The following MYO3B variants were observed in gnomAD, a reference collection of about 807,000 sequenced individuals.
MYO3B encodes the protein myosin-IIIb.
MYO3B carries 156 observed loss-of-function variants against 174.6 expected under a neutral mutation model. The observed-to-expected ratio is 0.89, with a 90% CI of 0.78 to 1.02. The LOEUF is 1.02. MYO3B is among the 50% of genes least tolerant of loss of function. MYO3B has a pLI of 0.00. For synonymous variants in MYO3B, 563 were observed against 569.1 expected (o/e 0.99, Z 0.15); for missense variants, 1,632 against 1,639.4 (o/e 1.00, Z 0.08).
At chr2:170,440,575 C>A (rs2094792074) in intron 22 of MYO3B, among the ~76,000 whole-genome samples, 1 of 151,666 alleles carries the variant, frequency 6.6e-6, no homozygotes, top group South Asian at 2.1e-4. Flanking sequence ...TTGAATAGTT[C>A]ATTTTTAGTG....
chr2:170,254,512 G>T (rs979326315), intron 7 of MYO3B, among the ~76,000 whole-genome samples: 1 of 152,114 alleles, frequency 6.6e-6, no homozygotes, highest in Non-Finnish European at 1.5e-5. Flanking sequence ...TCCCACAAGA[G>T]GGTGTGCAAA....
At chr2:170,506,839 C>T (rs1223973198) in intron 28 of MYO3B, among the ~76,000 whole-genome samples, 1 of 152,150 alleles carries the variant, frequency 6.6e-6, no homozygotes, top group African/African-American at 2.4e-5. Context: ...CCAAGCCAAA[C>T]AAGAGGGGGA....
At chr2:170,533,905 AG>A (rs770400347) in intron 30 of MYO3B, among the ~76,000 whole-genome samples, 7 of 152,194 alleles carry the variant, frequency 4.6e-5, no homozygotes, top group Non-Finnish European at 7.4e-5. Context: ...CTGATGAAGA[AG>A]GGGAGAGGTG....
At chr2:170,229,328 C>T (rs1208598006) in intron 6 of MYO3B, among the ~76,000 whole-genome samples, 1 of 152,192 alleles carries the variant, frequency 6.6e-6, no homozygotes, top group East Asian at 1.9e-4. Context: ...AGCTTTAGGT[C>T]TGTTTGCCTT....
chr2:170,606,385 C>T (rs755247804), intron 32 of MYO3B, among the ~76,000 whole-genome samples: 4 of 152,160 alleles, frequency 2.6e-5, no homozygotes, highest in African/African-American at 9.7e-5. Flanking sequence ...TATGCTGTCC[C>T]CTCAGCCTAG....
intron 32 of MYO3B, among the ~76,000 whole-genome samples, chr2:170,649,760 G>A (rs1698856505): frequency 7.5e-6 from 1 of 133,824 alleles, no homozygotes; most frequent in Non-Finnish European, 1.5e-5. Context: ...CTGGGAGGTA[G>A]AAATTGCAGT....
At chr2:170,429,528 GGTGA>G (rs1253497124) in intron 22 of MYO3B, among the ~76,000 whole-genome samples, 2 of 151,998 alleles carry the variant, frequency 1.3e-5, no homozygotes, top group Non-Finnish European at 2.9e-5. Context: ...GGAAGGGAGT[GGTGA>G]GTAACTTGTT....
At chr2:170,433,075 T>C (rs1244764369) in intron 22 of MYO3B, among the ~76,000 whole-genome samples, 1 of 152,188 alleles carries the variant, frequency 6.6e-6, no homozygotes, top group African/African-American at 2.4e-5. Context: ...ATTCATGTTA[T>C]GTGCCCTATA....
chr2:170,526,525 T>G (rs1239609893), intron 30 of MYO3B, among the ~76,000 whole-genome samples: 1 of 152,212 alleles, frequency 6.6e-6, no homozygotes, highest in Non-Finnish European at 1.5e-5. Flanking sequence ...TATTTTCTTG[T>G]ATTCCTGGCT....
rs2105307714 is a variant in MYO3B at position 170,615,189 on chromosome 2, G to T, written c.3734-36439G>T. ...CTAAAACCCAACATATCTAGCTCTAGACGTATCTTCCTCCCTCACTTCACC... is the reference window on the plus strand; with the variant it reads ...CTAAAACCCAACATATCTAGCTCTATACGTATCTTCCTCCCTCACTTCACC... On this transcript the variant is annotated intron_variant, in intron 32 of 34. Transcript: ENST00000408978. Among the ~76,000 whole-genome samples, 3 of 152,138 alleles carry T rather than the reference G, an allele frequency of 2.0e-5. 1 individual carries two copies. The Middle Eastern group carries it at 0.01, about 517-fold the overall frequency.
intron 28 of MYO3B, among the ~76,000 whole-genome samples, chr2:170,502,253 T>C (rs1687321283): frequency 6.6e-6 from 1 of 152,128 alleles, no homozygotes; most frequent in Non-Finnish European, 1.5e-5. Context: ...AACAAAACCC[T>C]TTCCCTCTCG....
intron 27 of MYO3B, 92 bp downstream of exon 27, chr2:170,499,900 TCCCTCCCTCCCTTCCTTCTC>T (rs958622779): frequency 3.2e-5 from 32 of 995,502 alleles, no homozygotes; most frequent in African/African-American, 1.7e-4. Flanking sequence ...CTAAGTGGTT[TCCCTCCCTCCCTTCCTTCTC>T]CCCTCCCTCC....
At chr2:170,181,577 C>T (rs939565647) in intron 1 of MYO3B, among the ~76,000 whole-genome samples, 1 of 152,092 alleles carries the variant, frequency 6.6e-6, no homozygotes, top group African/African-American at 2.4e-5. Context: ...TCCTAGATTC[C>T]TGTATCAGAT....
At chr2:170,215,878 G>A (rs1263321079) in intron 5 of MYO3B, among the ~76,000 whole-genome samples, 2 of 152,140 alleles carry the variant, frequency 1.3e-5, no homozygotes, top group Non-Finnish European at 2.9e-5. Flanking sequence ...ATGAGGATGG[G>A]GTGGGAATTG....
At chr2:170,413,582 G>C (rs1364181438) in intron 22 of MYO3B, among the ~76,000 whole-genome samples, 1 of 152,168 alleles carries the variant, frequency 6.6e-6, no homozygotes, top group African/African-American at 2.4e-5. Flanking sequence ...CCACGGTGTT[G>C]TGTGTATATC....
chr2:170,532,097 A>G (rs1328003641), intron 30 of MYO3B, among the ~76,000 whole-genome samples: 2 of 152,196 alleles, frequency 1.3e-5, no homozygotes. Context: ...AATTGAACAA[A>G]CTGACAGCAT....
At chr2:170,472,594 C>T (rs746612832) in intron 25 of MYO3B, among the ~76,000 whole-genome samples, 1 of 152,168 alleles carries the variant, frequency 6.6e-6, no homozygotes, top group Non-Finnish European at 1.5e-5. Context: ...GCACTTACTA[C>T]ATTGTAGAGC....
At chr2:170,549,836 A>G (rs1472617332) in intron 32 of MYO3B, among the ~76,000 whole-genome samples, 1 of 152,196 alleles carries the variant, frequency 6.6e-6, no homozygotes, top group Non-Finnish European at 1.5e-5. Context: ...CAACAGAATC[A>G]CTTCACACTG....
chr2:170,623,670 T>C (rs995557679), intron 32 of MYO3B, among the ~76,000 whole-genome samples: 1 of 152,228 alleles, frequency 6.6e-6, no homozygotes, highest in South Asian at 2.1e-4. Context: ...CTGAATGGTA[T>C]TGCCTAGGTT....
Sources: gnomAD v4.1 joint callset for allele counts (sites outside exome capture counted in the v4.1 genomes callset) on GRCh38, gnomAD v4.1.1 for gene constraint, MANE v1.5 for transcripts, NCBI Gene and HGNC (gene_info 2026-07-23, HGNC 2026-07-21) for gene names.